The following ANGPT1 variants were observed in gnomAD, a reference collection of about 807,000 sequenced individuals.
ANGPT1 encodes angiopoietin 1.
In ANGPT1, 17 loss-of-function variants were observed where a neutral mutation model predicts 62.2. The observed-to-expected ratio is 0.27, with a 90% CI of 0.19 to 0.41. The LOEUF is 0.41. ANGPT1 is among the 10% of genes least tolerant of loss of function. The pLI is 1.00. For synonymous variants in ANGPT1, 199 were observed against 198.9 expected, an observed-to-expected ratio of 1.00 and a Z score of 0.00; for missense variants, 478 against 594.9, an observed-to-expected ratio of 0.80 and a Z score of 2.04.
chr8:107,366,799 T>A (rs764973137), intron 1 of ANGPT1, among the ~76,000 whole-genome samples: 1 of 152,214 alleles, frequency 6.6e-6, no homozygotes, highest in African/African-American at 2.4e-5. Flanking sequence ...CAATAGAATA[T>A]GGCAGAATAG....
intron 4 of ANGPT1, among the ~76,000 whole-genome samples, chr8:107,320,088 T>C (rs1815115513): frequency 6.6e-6 from 1 of 152,272 alleles, no homozygotes; most frequent in East Asian, 1.9e-4. Context: ...TACTACATCA[T>C]AGAACAGACA....
chr8:107,286,358 G>T (rs986308340), intron 6 of ANGPT1, among the ~76,000 whole-genome samples: 2 of 151,930 alleles, frequency 1.3e-5, no homozygotes, highest in African/African-American at 2.4e-5. Flanking sequence ...TTAAAATTAC[G>T]AATTGTTGGA....
At chr8:107,480,390 C>T (rs1037545331) in intron 1 of ANGPT1, among the ~76,000 whole-genome samples, 5 of 152,154 alleles carry the variant, frequency 3.3e-5, no homozygotes, top group South Asian at 2.1e-4. Context: ...CAAGAACAAA[C>T]ATCAAATTCA....
intron 1 of ANGPT1, among the ~76,000 whole-genome samples, chr8:107,409,655 TATA>T (rs1163596121): frequency 1.3e-5 from 2 of 152,192 alleles, no homozygotes; most frequent in African/African-American, 4.8e-5. Flanking sequence ...CCAATGAGAT[TATA>T]ATATTTTTTC....
At chr8:107,472,915 A>C (rs1331825563) in intron 1 of ANGPT1, among the ~76,000 whole-genome samples, 3 of 152,026 alleles carry the variant, frequency 2.0e-5, no homozygotes, top group Admixed American at 2.0e-4. Flanking sequence ...GGAGGTTTGT[A>C]ATTTTGCCCC....
intron 1 of ANGPT1, among the ~76,000 whole-genome samples, chr8:107,489,679 A>T (rs543602953): frequency 2.0e-5 from 3 of 152,190 alleles, no homozygotes; most frequent in Non-Finnish European, 4.4e-5. Flanking sequence ...TGTAAAGAGA[A>T]GATAATCCAT....
At chr8:107,288,139 G>A (rs1392439990) in intron 6 of ANGPT1, among the ~76,000 whole-genome samples, 6 of 152,022 alleles carry the variant, frequency 3.9e-5, no homozygotes, top group African/African-American at 9.7e-5. Context: ...GGCTCTCAGA[G>A]GACTAATGTA....
intron 1 of ANGPT1, among the ~76,000 whole-genome samples, chr8:107,451,316 G>GACACACACACAC (rs138970014): frequency 3.4e-5 from 5 of 148,952 alleles, no homozygotes; most frequent in East Asian, 4.0e-4. Context: ...ATACATAACA[G>GACACACACACAC]ACACACACAC....
intron 1 of ANGPT1, among the ~76,000 whole-genome samples, chr8:107,404,663 T>C (rs988264846): frequency 6.6e-6 from 1 of 152,124 alleles, no homozygotes; most frequent in Non-Finnish European, 1.5e-5. Context: ...GAACATTTTG[T>C]ACATCAATTT....
chr8:107,444,887 A>G (rs4100190), intron 1 of ANGPT1, among the ~76,000 whole-genome samples: 44,672 of 152,050 alleles, frequency 0.29, 7,697 homozygotes, highest in Middle Eastern at 0.46. Context: ...ACAAACCAAA[A>G]ACCCGGGGAG....
intron 1 of ANGPT1, among the ~76,000 whole-genome samples, chr8:107,361,583 GTATATATTATATATCAATATA>G (rs1816166405): frequency 6.8e-5 from 1 of 14,624 alleles, no homozygotes; most frequent in East Asian, 9.4e-3. Context: ...TAGAATATAT[GTATATATTATATATCAATATA>G]GAATATATGT....
intron 4 of ANGPT1, among the ~76,000 whole-genome samples, chr8:107,311,856 A>G (rs904972459): frequency 6.6e-6 from 1 of 152,154 alleles, no homozygotes; most frequent in Non-Finnish European, 1.5e-5. Context: ...CAAGGTCAGG[A>G]GATGGAGACC....
At chr8:107,297,001 G>A (rs544360619) in intron 5 of ANGPT1, among the ~76,000 whole-genome samples, 6 of 148,008 alleles carry the variant, frequency 4.1e-5, no homozygotes, top group South Asian at 2.2e-4. Context: ...TCTAAACAGA[G>A]GCATCTTAGC....
chr8:107,358,340 T>C (rs1245899257), intron 1 of ANGPT1, among the ~76,000 whole-genome samples: 1 of 151,878 alleles, frequency 6.6e-6, no homozygotes, highest in African/African-American at 2.4e-5. Flanking sequence ...AAAGGAATAA[T>C]GATTGCTGAC....
intron 1 of ANGPT1, among the ~76,000 whole-genome samples, chr8:107,437,782 G>C (rs1377967707): frequency 6.6e-6 from 1 of 151,586 alleles, no homozygotes; most frequent in African/African-American, 2.4e-5. Context: ...GGCATGAAGA[G>C]GACAGACAGA....
At chr8:107,398,394 G>T (rs1454692029) in intron 1 of ANGPT1, among the ~76,000 whole-genome samples, 1 of 151,732 alleles carries the variant, frequency 6.6e-6, no homozygotes, top group Non-Finnish European at 1.5e-5. Context: ...TTCAAGAAAA[G>T]CATGAGGACT....
At chr8:107,335,075 C>T (rs763619050) in intron 3 of ANGPT1, among the ~76,000 whole-genome samples, 2 of 152,108 alleles carry the variant, frequency 1.3e-5, no homozygotes, top group African/African-American at 4.8e-5. Context: ...TTGGGAAATT[C>T]TTTTAGTTTG....
chr8:107,263,354 C>CA (rs36190408), intron 8 of ANGPT1, among the ~76,000 whole-genome samples: 103 of 91,194 alleles, frequency 1.1e-3, no homozygotes, highest in South Asian at 2.5e-3. Context: ...AACTCAGTTT[C>CA]AAAAAAAAAA....
intron 3 of ANGPT1, among the ~76,000 whole-genome samples, chr8:107,335,051 C>T (rs1365647520): frequency 6.6e-6 from 1 of 152,188 alleles, no homozygotes; most frequent in Non-Finnish European, 1.5e-5. Flanking sequence ...TTATGCTCTA[C>T]TTTTAGCATG....
Sources: gnomAD v4.1 joint callset for allele counts (sites outside exome capture counted in the v4.1 genomes callset) on GRCh38, gnomAD v4.1.1 for gene constraint, MANE v1.5 for transcripts, NCBI Gene and HGNC (gene_info 2026-07-23, HGNC 2026-07-21) for gene names.